Variants in BPTF observed in about 807,000 individuals in gnomAD.
BPTF encodes nucleosome-remodeling factor subunit BPTF.
A neutral mutation model predicts 292.5 loss-of-function variants in BPTF; 18 were observed. The observed-to-expected ratio is 0.06, with a 90% CI of 0.04 to 0.09. The LOEUF (loss-of-function observed/expected upper bound fraction) is 0.09, where lower values mean the gene tolerates loss of function less well. Among genes scored for constraint, BPTF ranks in the 10% least tolerant of loss-of-function variants. The pLI, the probability that BPTF is intolerant of heterozygous loss-of-function variation, is 1.00. For synonymous variants in BPTF, 1,225 were observed against 1,251.9 expected, an observed-to-expected ratio of 0.98 and a Z score of 0.45; for missense variants, 2,726 against 3,498.7, an observed-to-expected ratio of 0.78 and a Z score of 5.57.
chr17:67,929,247 C>T, intron 16 of BPTF, 89 bp from the exon 17 acceptor site: 10 of 1,542,792 alleles, frequency 6.5e-6, no homozygotes, highest in Non-Finnish European at 8.8e-6. Context: ...AAAACCCTGC[C>T]ACACGTAGTT....
chr17:67,903,924 T>G lies in BPTF; in HGVS notation c.2673+6T>G. The G allele has an allele frequency of 6.3e-7, 1 of 1,581,132 alleles. No individual in the cohort carries two copies. The highest frequency in any genetic ancestry group is 8.5e-7 in the Non-Finnish European group (1 of 1,171,106). ...CATTTCCAGTTAAGCATCAGGTAAT[T>G]TTTACAACAACCCTTTAAAATAGTG... On this transcript the variant is annotated splice_donor_region_variant and intron_variant, in intron 8 of 27. Transcript: ENST00000306378.
intron 25 of BPTF, among the ~76,000 whole-genome samples, chr17:67,964,734 C>T (rs1480198752): frequency 1.3e-5 from 2 of 152,156 alleles, no homozygotes; most frequent in East Asian, 3.9e-4. Context: ...GGCATGGTGG[C>T]TCATGCCTGT....
chr17:67,884,908 G>A (rs959561154), intron 4 of BPTF, among the ~76,000 whole-genome samples: 1 of 151,922 alleles, frequency 6.6e-6, no homozygotes, highest in Non-Finnish European at 1.5e-5. Context: ...TTGGATTTTT[G>A]CCAGTTGATA....
chr17:67,971,027 C>G (rs1159817632), intron 26 of BPTF, among the ~76,000 whole-genome samples: 2 of 151,812 alleles, frequency 1.3e-5, no homozygotes, highest in Non-Finnish European at 2.9e-5. Flanking sequence ...CATCCTCGTC[C>G]TCCCAGGTAC....
At chr17:67,878,761 A>G (rs924208197) in intron 4 of BPTF, among the ~76,000 whole-genome samples, 9 of 151,884 alleles carry the variant, frequency 5.9e-5, no homozygotes, top group African/African-American at 1.9e-4. Flanking sequence ...TTCATTTTCT[A>G]TAAATGTTCT....
chr17:67,926,054 C>T (rs1440010415), intron 15 of BPTF, among the ~76,000 whole-genome samples: 2 of 113,022 alleles, frequency 1.8e-5, no homozygotes, highest in Non-Finnish European at 3.3e-5. Flanking sequence ...GCCCAGGCTG[C>T]TGGAGTGCAG....
chr17:67,973,463 AT>A (rs1363210098), intron 26 of BPTF, among the ~76,000 whole-genome samples: 2 of 150,950 alleles, frequency 1.3e-5, no homozygotes, highest in Admixed American at 6.6e-5. Flanking sequence ...ATGAGAGAGA[AT>A]TTTTTTTTCC....
chr17:67,952,791 A>G (rs1197337480), intron 23 of BPTF, among the ~76,000 whole-genome samples: 1 of 152,200 alleles, frequency 6.6e-6, no homozygotes, highest in Non-Finnish European at 1.5e-5. Flanking sequence ...CGTATTCATC[A>G]TCACAGTATC....
chr17:67,931,838 C>T lies in BPTF; in HGVS notation c.6151-73C>T. ...TTATTAATATAGAATGTTTAAAGATCTTGTGTTCTAAGTCCATTATACTTT... is the reference window on the plus strand; with the variant it reads ...TTATTAATATAGAATGTTTAAAGATTTTGTGTTCTAAGTCCATTATACTTT... On this transcript the variant is annotated intron_variant, in intron 17 of 27. Coordinates refer to ENST00000306378, the MANE Select transcript of BPTF (RefSeq NM_182641.4). 2.8e-6 allele frequency: 3 copies of T among 1,078,416 alleles called. No homozygotes were observed. In the South Asian group the frequency reaches 4.6e-5, roughly 17 times the overall value. The allele number at this position is 1,078,416 out of a possible 1,614,324, so 66.8% of individuals were successfully genotyped here. A position where few individuals can be genotyped will look rare whatever the true frequency, so the allele number is the denominator to read the frequency against.
At chr17:67,965,360 G>A (rs78841307) in intron 25 of BPTF, 4,205 of 145,738 alleles carry the variant, frequency 0.029, 84 homozygotes, top group Middle Eastern at 0.054. Context: ...AAAGAAAAAC[G>A]GGATCGAGAT....
chr17:67,840,471 T>TTGC (rs1311477321), intron 1 of BPTF, among the ~76,000 whole-genome samples: 6 of 112,976 alleles, frequency 5.3e-5, no homozygotes, highest in Admixed American at 2.5e-4. Context: ...GTTGTTGTTG[T>TTGC]TGCTGCTGCT....
chr17:67,870,169 A>G (rs972605863), intron 3 of BPTF, among the ~76,000 whole-genome samples: 1 of 152,124 alleles, frequency 6.6e-6, no homozygotes, highest in African/African-American at 2.4e-5. Context: ...TTAGTACTAC[A>G]TGGAGTACAT....
intron 3 of BPTF, 110 bp downstream of exon 3, chr17:67,866,797 A>G (rs1023264403): frequency 2.6e-6 from 2 of 762,084 alleles, no homozygotes; most frequent in Non-Finnish European, 4.3e-6. Flanking sequence ...ACAGTCGTGC[A>G]TTGCTTAATG....
At chr17:67,898,648 G>A (rs994918315) in intron 7 of BPTF, among the ~76,000 whole-genome samples, 2 of 148,568 alleles carry the variant, frequency 1.3e-5, no homozygotes, top group African/African-American at 4.9e-5. Context: ...AGATAAATAC[G>A]AGTATATGAA....
chr17:67,918,511 T>G (rs1329453745), intron 11 of BPTF, among the ~76,000 whole-genome samples: 4 of 152,182 alleles, frequency 2.6e-5, no homozygotes, highest in Non-Finnish European at 1.5e-5. Context: ...AAAAAAATGT[T>G]AGGTGCGTGT....
Position 67,854,073 on chromosome 17 carries a change from T to A in BPTF, c.747T>A (p.Ile249=), listed in dbSNP as rs745308171. 1 of 1,614,208 alleles carries A rather than the reference T, an allele frequency of 6.2e-7. No individual in the cohort carries two copies. Among genetic ancestry groups the A allele is most frequent in the South Asian group, 1.1e-5 (1 of 91,084 alleles). Residue 249 remains isoleucine (I), a synonymous_variant, in exon 2 of 28, where the codon ATT becomes ATA. Transcript: ENST00000306378. This position sits in a 1 kb window ranked among gnomAD's most constrained non-coding sequence, Gnocchi z 5.6. The part of the protein sequence containing the change: ...PNEHIMNVIA[I]YEVLRNFGTV... ...AGCATATAATGAATGTCATTGCCAT[T>A]TACGAGGTACTGCGGAACTTTGGCA...
intron 23 of BPTF, among the ~76,000 whole-genome samples, 180 bp from the exon 24 acceptor site, chr17:67,959,361 T>C (rs2067246809): frequency 6.6e-6 from 1 of 152,232 alleles, no homozygotes; most frequent in African/African-American, 2.4e-5. Flanking sequence ...ATTTTGTTTC[T>C]AGTTGTCTTA....
intron 4 of BPTF, among the ~76,000 whole-genome samples, chr17:67,882,047 C>A (rs906125553): frequency 1.3e-5 from 2 of 151,900 alleles, no homozygotes; most frequent in African/African-American, 4.8e-5. Flanking sequence ...GTTGGCCAGG[C>A]TGGTCTCGAA....
chr17:67,884,347 C>T (rs2060615178), intron 4 of BPTF, among the ~76,000 whole-genome samples: 2 of 151,656 alleles, frequency 1.3e-5, no homozygotes, highest in Admixed American at 1.3e-4. Flanking sequence ...CTCAGGTGAC[C>T]TCAGGTGATC....
Sources: allele counts gnomAD v4.1 joint callset (sites outside exome capture counted in the v4.1 genomes callset), GRCh38; gene constraint gnomAD v4.1.1; non-coding constraint Gnocchi (gnomAD v3.1); transcripts MANE v1.5; gene names NCBI Gene and HGNC (gene_info 2026-07-23, HGNC 2026-07-21).